The following ALDH4A1 variants were observed in gnomAD, a reference collection of about 807,000 sequenced individuals.
ALDH4A1 encodes the protein delta-1-pyrroline-5-carboxylate dehydrogenase, mitochondrial.
A neutral mutation model predicts 70.5 loss-of-function variants in ALDH4A1; 46 were observed. The ratio of observed to expected loss-of-function variants is 0.65; its 90% CI spans 0.51 to 0.83. ALDH4A1 has a LOEUF of 0.83. ALDH4A1 is among the 40% of genes least tolerant of loss of function. The pLI is 0.00. For missense variants in ALDH4A1, 749 were observed against 766.5 expected (o/e 0.98, Z 0.27); for synonymous variants, 323 against 324.3 (o/e 1.00, Z 0.04).
chr1:18,883,408 C>G lies in ALDH4A1; in HGVS notation c.474G>C (p.Ala158=), dbSNP rs540905183. The G allele has an allele frequency of 6.2e-7, 1 of 1,613,314 alleles. No individual in the cohort carries two copies. Among genetic ancestry groups the G allele is most frequent in the Admixed American group, 1.7e-5 (1 of 60,008 alleles). ...TGAGTTCCGCTGCAGCGTCAATCTC[C>G]GCTTGGATCACGGTCTTACCCTGCA... The part of the protein sequence containing the change: ...MVGQGKTVIQ[A]EIDAAAELID... Residue 158 remains alanine (A), a synonymous_variant, in exon 6 of 15, where the codon GCG becomes GCC. Transcript: ENST00000375341.
intron 1 of ALDH4A1, among the ~76,000 whole-genome samples, chr1:18,900,129 A>C (rs1403704772): frequency 6.6e-6 from 1 of 152,138 alleles, no homozygotes; most frequent in African/African-American, 2.4e-5. Context: ...TGTACTTTTC[A>C]CAGTTGACAT....
At chr1:18,897,021 G>A in intron 1 of ALDH4A1, 1 of 529,080 alleles carries the variant, frequency 1.9e-6, no homozygotes, top group South Asian at 1.4e-5. Flanking sequence ...AGTGAGACAG[G>A]ATCATCTCAC....
At chr1:18,885,441 G>GCGCCCCCCCCCCCCCC in intron 5 of ALDH4A1, 32 bp downstream of exon 5, 1 of 423,746 alleles carries the variant, frequency 2.4e-6, no homozygotes, top group Non-Finnish European at 3.8e-6. Flanking sequence ...ACCCCACCCC[G>GCGCCCCCCCCCCCCCC]CCCCACCCAC....
At chr1:18,873,025 A>C in intron 14 of ALDH4A1, 68 bp from the exon 15 acceptor site, 1 of 1,357,004 alleles carries the variant, frequency 7.4e-7, no homozygotes, top group Non-Finnish European at 1.0e-6. Context: ...GGAAGGGAGG[A>C]GATGATGGAA....
At chr1:18,891,888 C>T (rs981483726) in intron 1 of ALDH4A1, among the ~76,000 whole-genome samples, 5 of 151,934 alleles carry the variant, frequency 3.3e-5, no homozygotes, top group Non-Finnish European at 4.4e-5. Context: ...ATTAGCTGGG[C>T]GTAGTGGCCC....
chr1:18,877,595 A>G lies in ALDH4A1; in HGVS notation c.958T>C (p.Phe320Leu). 7.5e-7 allele frequency: 1 copy of G among 1,335,990 alleles called. No homozygotes were observed. 82.8% of individuals were successfully genotyped at this position (1,335,990 alleles called of 1,614,324 possible). The change falls in exon 10 of 15, where the codon TTC (phenylalanine) becomes CTC (leucine). Residue 320 changes from phenylalanine (F) to leucine (L), a missense_variant. Physicochemically the swap from Phe to Leu is conservative, Grantham distance 22. Transcript: ENST00000375341. ...RLAGECGGKNFHFVHRSADVE... is the reference protein window; with the variant it reads ...RLAGECGGKNLHFVHRSADVE... ...TCGGCCGAGCGGTGCACGAAGTGGAAGTTCTTTCCGCCGCACTCTACAGGG... is the reference window on the plus strand; with the variant it reads ...TCGGCCGAGCGGTGCACGAAGTGGAGGTTCTTTCCGCCGCACTCTACAGGG...
chr1:18,885,427 T>TTCCACCCCCCCCCCCCCCCCC, intron 5 of ALDH4A1, 46 bp downstream of exon 5: 1 of 650,922 alleles, frequency 1.5e-6, no homozygotes, highest in Non-Finnish European at 2.7e-6. Context: ...CACACCTGAC[T>TTCCACCCCCCCCCCCCCCCCC]CCCACCCCAC....
intron 8 of ALDH4A1, among the ~76,000 whole-genome samples, chr1:18,881,371 C>G (rs1934958159): frequency 6.6e-6 from 1 of 152,204 alleles, no homozygotes; most frequent in Non-Finnish European, 1.5e-5. Flanking sequence ...ATTCTGTGCT[C>G]CCCTGTGCCC....
At chr1:18,896,824 A>T (rs75842215) in intron 1 of ALDH4A1, among the ~76,000 whole-genome samples, 1 of 152,050 alleles carries the variant, frequency 6.6e-6, no homozygotes, top group Admixed American at 6.5e-5. Flanking sequence ...ACCCGGGAAG[A>T]AGAGGTTGGA....
rs1442490888 is a variant in ALDH4A1, at chr1:18,902,489, A to C, written c.35T>G (p.Leu12Arg). Residue 12 changes from leucine to arginine, a missense_variant, in exon 1 of 15, where the codon CTG (leucine) becomes CGG (arginine). Physicochemically the swap from Leu to Arg is moderately radical, Grantham distance 102 (BLOSUM62 -2). Coordinates refer to ENST00000375341, the MANE Select transcript of ALDH4A1 (RefSeq NM_003748.4). ...LLPAPALRRA[L>R]LSRPWTGAGL... ...GGCCCCGGTCCAGGGGCGGGACAGCAGGGCGCGGCGGAGCGCGGGCGCCGG... is the reference window on the plus strand; with the variant it reads ...GGCCCCGGTCCAGGGGCGGGACAGCCGGGCGCGGCGGAGCGCGGGCGCCGG... 2.0e-6 allele frequency: 3 copies of C among 1,472,180 alleles called. No homozygotes were observed. The highest frequency in any genetic ancestry group is 2.6e-5 in the South Asian group (2 of 76,634). 91.2% of individuals were successfully genotyped at this position (1,472,180 alleles called of 1,614,324 possible). A position where few individuals can be genotyped will look rare whatever the true frequency, so the allele number is the denominator to read the frequency against.
chr1:18,890,934 G>A lies in ALDH4A1; in HGVS notation c.63-829C>T, dbSNP rs564571463. 6.1e-6 allele frequency: 6 copies of A among 980,240 alleles called. No individual in the cohort carries two copies. In the South Asian group the frequency reaches 2.8e-4, roughly 46 times the overall value. The allele number at this position is 980,240 out of a possible 1,614,324, so 60.7% of individuals were successfully genotyped here. On this transcript the variant is annotated intron_variant, in intron 1 of 14. Transcript: ENST00000375341. The stretch of plus-strand genomic sequence containing the variant: ...GGCTGGGCAGGAATGTCCAAGATGT[G>A]GACCATGAACTTGGAGAGCTGCCCT...
chr1:18,890,227 A>T, intron 1 of ALDH4A1, 122 bp from the exon 2 acceptor site: 2 of 812,528 alleles, frequency 2.5e-6, no homozygotes, highest in Non-Finnish European at 4.0e-6. Context: ...AATCCAATGC[A>T]ACTAGAAAGT....
intron 3 of ALDH4A1, among the ~76,000 whole-genome samples, chr1:18,887,328 G>A (rs9426641): frequency 0.041 from 6,241 of 152,330 alleles, 448 homozygotes; most frequent in African/African-American, 0.14. Context: ...GGCCGGGCGC[G>A]GTGGCTCACA....
At chr1:18,876,545 C>A (rs771804735) in intron 11 of ALDH4A1, 78 bp from the exon 12 acceptor site, 4 of 1,467,862 alleles carry the variant, frequency 2.7e-6, no homozygotes, top group Non-Finnish European at 2.7e-6. Context: ...ACACTCACCC[C>A]GAAACACCTG....
intron 4 of ALDH4A1, 21 bp downstream of exon 4, chr1:18,886,443 C>A: frequency 1.9e-6 from 3 of 1,613,978 alleles, no homozygotes; most frequent in Non-Finnish European, 2.5e-6. Context: ...CCCGGGTCAC[C>A]AGGCACACAG....
intron 11 of ALDH4A1, among the ~76,000 whole-genome samples, chr1:18,876,797 T>C (rs973514286): frequency 6.6e-6 from 1 of 152,070 alleles, no homozygotes; most frequent in African/African-American, 2.4e-5. Context: ...CATGTAGGGA[T>C]CTGCATGCCT....
chr1:18,876,365 C>T lies in ALDH4A1; in HGVS notation c.1288G>A (p.Glu430Lys). 6.2e-7 allele frequency: 1 copy of T among 1,613,926 alleles called. No homozygotes were observed. Among genetic ancestry groups the T allele is most frequent in the East Asian group, 2.2e-5 (1 of 44,882 alleles). The change falls in exon 12 of 15, where the codon GAG becomes AAG. Residue 430 changes from glutamate to lysine, a missense_variant. Physicochemically the swap from Glu to Lys is moderately conservative, Grantham distance 56. Coordinates refer to ENST00000375341, the MANE Select transcript of ALDH4A1 (RefSeq NM_003748.4). ...TCCTTGCTCTCCACGATGCAGGGCT[C>T]CACAAAGTAGCCCACGGAGTCATCA... ...KCDDSVGYFV[E>K]PCIVESKDPQ...
rs1301971282 is a variant in ALDH4A1, at chr1:18,872,855, T to G, written c.1682A>C (p.Tyr561Ser). The G allele has an allele frequency of 6.2e-7, 1 of 1,613,612 alleles. No individual in the cohort carries two copies. Among genetic ancestry groups the G allele is most frequent in the South Asian group, 1.1e-5 (1 of 91,070 alleles). Reference sequence around the variant, plus strand: ...GAGCCCGAGAGGGGCTCACTGCATGTACGCGTAGCTCCAGTCCCCCAGGGG... The same window carrying G: ...GAGCCCGAGAGGGGCTCACTGCATGGACGCGTAGCTCCAGTCCCCCAGGGG... Reference protein sequence around the residue: ...HKPLGDWSYAYMQ With the variant: ...HKPLGDWSYASMQ The change falls in exon 15 of 15, where the codon TAC becomes TCC. Residue 561 changes from tyrosine (Y) to serine (S), a missense_variant. Transcript: ENST00000375341.
chr1:18,885,592 C>T lies in ALDH4A1; in HGVS notation c.334G>A (p.Ala112Thr), dbSNP rs771288789. The change falls in exon 5 of 15, where the codon GCC becomes ACC. Residue 112 changes from alanine to threonine, a missense_variant. Transcript: ENST00000375341. ...LNKAIEAALA[A>T]RKEWDLKPIA... is the part of the protein sequence containing the mutation. ...GGCTTCAGGTCCCACTCTTTCCGGG[C>T]AGCCAGGGCAGCCTCAATGGCTTTG... is the stretch of plus-strand genomic sequence containing the variant. 4.1e-5 allele frequency: 66 copies of T among 1,613,858 alleles called. No homozygotes were observed. The highest frequency in any genetic ancestry group is 5.1e-5 in the Non-Finnish European group (60 of 1,179,996).
Sources: allele counts gnomAD v4.1 joint callset (sites outside exome capture counted in the v4.1 genomes callset), GRCh38; gene constraint gnomAD v4.1.1; transcripts MANE v1.5; gene names NCBI Gene and HGNC (gene_info 2026-07-23, HGNC 2026-07-21).